The following VRK1 variants were observed in gnomAD, a reference collection of about 807,000 sequenced individuals.
VRK1 encodes VRK serine/threonine kinase 1, also known as serine/threonine-protein kinase VRK1.
Under a neutral mutation model 57.1 loss-of-function variants are expected in VRK1, and 33 were observed. That is an observed-to-expected ratio of 0.58 (90% CI 0.44 to 0.77). VRK1 has a LOEUF of 0.77. VRK1 is among the 30% of genes least tolerant of loss of function. VRK1 has a pLI of 0.00. For missense variants in VRK1, 413 were observed against 477.3 expected (o/e 0.87, Z 1.25); for synonymous variants, 137 against 147.8 (o/e 0.93, Z 0.53).
intron 11 of VRK1, among the ~76,000 whole-genome samples, chr14:96,862,343 A>G (rs1288196361): frequency 6.6e-6 from 1 of 152,236 alleles, no homozygotes; most frequent in African/African-American, 2.4e-5. Context: ...AAGTTGAACA[A>G]GTTGAACTAT....
chr14:96,850,686 G>A (rs1019560415), intron 5 of VRK1, among the ~76,000 whole-genome samples: 7 of 152,168 alleles, frequency 4.6e-5, no homozygotes, highest in African/African-American at 1.7e-4. Context: ...TGTTACAGAG[G>A]TTGTATTTTT....
intron 5 of VRK1, among the ~76,000 whole-genome samples, chr14:96,852,029 G>A (rs1298002962): frequency 6.6e-6 from 1 of 152,222 alleles, no homozygotes; most frequent in Non-Finnish European, 1.5e-5. Flanking sequence ...AACTATTGAA[G>A]ATAAAAGTGG....
intron 11 of VRK1, among the ~76,000 whole-genome samples, chr14:96,865,494 C>T (rs940533773): frequency 6.6e-6 from 1 of 152,144 alleles, no homozygotes; most frequent in African/African-American, 2.4e-5. Context: ...ATTGTCTTTG[C>T]TATTCTTCGC....
rs1292160167 is a variant in VRK1, at chr14:96,824,694, C to T, written c.-5-8773C>T. ...TTTTTTTTTTTTTTTCCCTCTGTCG[C>T]CCAGCCTGGAGTGCAGTGGCGCCGT... is the stretch of plus-strand genomic sequence containing the variant. On this transcript the variant is annotated intron_variant, in intron 1 of 12. Coordinates refer to ENST00000216639, the MANE Select transcript of VRK1 (RefSeq NM_003384.3). Among the ~76,000 whole-genome samples, 6 of 150,324 alleles carry T rather than the reference C, an allele frequency of 4.0e-5. No individual in the cohort carries two copies. The East Asian group carries it at 9.7e-4, about 24-fold the overall frequency.
At chr14:96,799,036 T>C (rs1885553312) in intron 1 of VRK1, among the ~76,000 whole-genome samples, 1 of 152,228 alleles carries the variant, frequency 6.6e-6, no homozygotes, top group Non-Finnish European at 1.5e-5. Context: ...ACTGTCAATT[T>C]AGTTCTGGTA....
At position 96,855,267 on chromosome 14, in the gene VRK1, A is replaced by G. The variant is rs1379518638; in HGVS notation, c.620A>G (p.Glu207Gly). 1 of 1,614,100 alleles carries G rather than the reference A, an allele frequency of 6.2e-7. No individual in the cohort carries two copies. The highest frequency in any genetic ancestry group is 1.1e-5 in the South Asian group (1 of 91,084). ...DYGLAYRYCP[E>G]GVHKEYKEDP... ...GGCCTTGCTTATCGGTACTGCCCAG[A>G]AGGAGTTCATAAAGAATACAAAGAA... Residue 207 changes from glutamate (E) to glycine (G), a missense_variant, in exon 8 of 13, where the codon GAA becomes GGA. Coordinates refer to ENST00000216639, the MANE Select transcript of VRK1 (RefSeq NM_003384.3).
At chr14:96,840,345 C>T (rs1471315567) in intron 3 of VRK1, among the ~76,000 whole-genome samples, 2 of 152,160 alleles carry the variant, frequency 1.3e-5, no homozygotes, top group African/African-American at 4.8e-5. Flanking sequence ...AGTGGGAGGG[C>T]TAACTGGGTC....
chr14:96,797,813 G>C (rs79983334), intron 1 of VRK1, among the ~76,000 whole-genome samples: 12,668 of 152,310 alleles, frequency 0.083, 693 homozygotes, highest in Non-Finnish European at 0.13. Context: ...GCGGGGCTCC[G>C]GGTGAACAGC....
chr14:96,862,744 C>CT (rs1455229419), intron 11 of VRK1, among the ~76,000 whole-genome samples: 2 of 151,914 alleles, frequency 1.3e-5, no homozygotes, highest in East Asian at 1.9e-4. Flanking sequence ...ACCCAGATGT[C>CT]TTTTTTTGCT....
At chr14:96,831,823 A>G (rs917861283) in intron 1 of VRK1, among the ~76,000 whole-genome samples, 2 of 152,196 alleles carry the variant, frequency 1.3e-5, no homozygotes, top group African/African-American at 4.8e-5. Context: ...GTTGAAATTC[A>G]GAAGGGCATC....
At chr14:96,823,202 A>G (rs972820684) in intron 1 of VRK1, among the ~76,000 whole-genome samples, 2 of 152,234 alleles carry the variant, frequency 1.3e-5, no homozygotes, top group African/African-American at 4.8e-5. Context: ...AATATTAGGT[A>G]ACATATGCAT....
chr14:96,814,638 T>C (rs1472006220), intron 1 of VRK1, among the ~76,000 whole-genome samples: 1 of 152,174 alleles, frequency 6.6e-6, no homozygotes, highest in Non-Finnish European at 1.5e-5. Context: ...ATGTGCTATA[T>C]GTACACGCGT....
intron 2 of VRK1, among the ~76,000 whole-genome samples, chr14:96,834,564 G>A (rs1175777515): frequency 6.6e-6 from 1 of 152,168 alleles, no homozygotes; most frequent in Non-Finnish European, 1.5e-5. Flanking sequence ...TTACTCAAGA[G>A]GAGTCCCACT....
chr14:96,859,468 A>G (rs1463264058), intron 10 of VRK1, among the ~76,000 whole-genome samples: 1 of 152,162 alleles, frequency 6.6e-6, no homozygotes, highest in Non-Finnish European at 1.5e-5. Flanking sequence ...AGCATTTTCA[A>G]TGTTTTATCA....
chr14:96,805,514 C>T (rs542193309), intron 1 of VRK1, among the ~76,000 whole-genome samples: 1 of 152,328 alleles, frequency 6.6e-6, no homozygotes, highest in East Asian at 1.9e-4. Flanking sequence ...TTATACTCTT[C>T]CCCTCCCCTG....
intron 3 of VRK1, among the ~76,000 whole-genome samples, chr14:96,838,432 C>G (rs995829455): frequency 5.9e-5 from 9 of 152,058 alleles, no homozygotes; most frequent in African/African-American, 2.2e-4. Flanking sequence ...AATTATGTGC[C>G]TTTTTGCTTA....
intron 11 of VRK1, among the ~76,000 whole-genome samples, chr14:96,863,879 T>C (rs1455303281): frequency 6.6e-6 from 1 of 152,176 alleles, no homozygotes; most frequent in Non-Finnish European, 1.5e-5. Flanking sequence ...ATCAGTAGCC[T>C]GCAGCTGCTC....
chr14:96,864,679 A>G (rs368929535), intron 11 of VRK1, among the ~76,000 whole-genome samples: 6 of 152,166 alleles, frequency 3.9e-5, no homozygotes, highest in African/African-American at 9.6e-5. Context: ...GATATTGCCA[A>G]TTTTCCAAAG....
intron 9 of VRK1, 50 bp from the exon 10 acceptor site, chr14:96,856,478 A>G (rs756717330): frequency 1.3e-6 from 2 of 1,504,046 alleles, no homozygotes; most frequent in African/African-American, 2.8e-5. Flanking sequence ...TTTATTTCAT[A>G]TTAACATATG....
Sources: gnomAD v4.1 joint callset for allele counts (sites outside exome capture counted in the v4.1 genomes callset) on GRCh38, gnomAD v4.1.1 for gene constraint, MANE v1.5 for transcripts, NCBI Gene and HGNC (gene_info 2026-07-23, HGNC 2026-07-21) for gene names.